The following HEXB variants were observed in gnomAD, a reference collection of about 807,000 sequenced individuals.
HEXB encodes the protein hexosaminidase subunit beta.
Under a neutral mutation model 71.2 loss-of-function variants are expected in HEXB, and 51 were observed. The ratio of observed to expected loss-of-function variants is 0.72; its 90% CI spans 0.57 to 0.90. The LOEUF (loss-of-function observed/expected upper bound fraction) is 0.90, where lower values mean the gene tolerates loss of function less well. Ranked by LOEUF, HEXB falls within the 40% of genes least tolerant of loss-of-function variation. HEXB has a pLI of 0.00. For synonymous variants in HEXB, 266 were observed against 249.3 expected, an observed-to-expected ratio of 1.07 and a Z score of -0.63; for missense variants, 617 against 677.0, an observed-to-expected ratio of 0.91 and a Z score of 0.98.
chr5:74,701,083 A>G (rs763072699), intron 5 of HEXB, among the ~76,000 whole-genome samples: 2 of 150,828 alleles, frequency 1.3e-5, no homozygotes, highest in Non-Finnish European at 3.0e-5. Flanking sequence ...GGGTTTTGCC[A>G]CATTTCCCAG....
At position 74,721,271 on chromosome 5, in the gene HEXB, A is replaced by ATATTT. The variant is rs1749860838; in HGVS notation, c.*98_*102dup. ...GATATTAGACTGTTTTTTGAATAAA[A>ATATTT]TATTTTTATTGATTGAACCTTTGAC... On this transcript the variant is annotated 3_prime_UTR_variant, in exon 14 of 14. Transcript: ENST00000261416. 3 of 1,027,828 alleles carry ATATTT rather than the reference A, an allele frequency of 2.9e-6. No homozygotes were observed. Among genetic ancestry groups the ATATTT allele is most frequent in the Non-Finnish European group, 4.6e-6 (3 of 658,606 alleles). The allele number at this position is 1,027,828 out of a possible 1,614,324, so 63.7% of individuals were successfully genotyped here.
chr5:74,678,483 T>C (rs1035123955), intron 1 of HEXB, among the ~76,000 whole-genome samples: 52 of 151,890 alleles, frequency 3.4e-4, no homozygotes, highest in African/African-American at 1.3e-3. Flanking sequence ...CAGTGAGGAA[T>C]AGCCTATTCA....
rs575584874 is a variant in HEXB, at chr5:74,673,461, C to T, written c.-376-15867C>T. Among the ~76,000 whole-genome samples the T allele has an allele frequency of 6.3e-4, 96 of 152,292 alleles. 1 individual carries two copies. In the South Asian group the frequency reaches 0.019, roughly 30 times the overall value. On this transcript the variant is annotated intron_variant, in intron 1 of 13. Coordinates refer to the HEXB transcript ENST00000511181. ...AGGCAGCTTTGCTTGCTTGTCTGCC[C>T]AGGTCCTAGGCTGTCCACCCACCTC...
intron 1 of HEXB, among the ~76,000 whole-genome samples, chr5:74,643,379 G>A (rs1270077605): frequency 6.6e-6 from 1 of 152,192 alleles, no homozygotes; most frequent in Non-Finnish European, 1.5e-5. Context: ...AAACAGGGCT[G>A]TCATCAAAAC....
chr5:74,654,375 A>T (rs1258696634), intron 1 of HEXB, among the ~76,000 whole-genome samples: 1 of 152,150 alleles, frequency 6.6e-6, no homozygotes, highest in Non-Finnish European at 1.5e-5. Flanking sequence ...AACACACTTG[A>T]GTCCAGAGGC....
At chr5:74,654,242 T>C (rs1032122023) in intron 1 of HEXB, among the ~76,000 whole-genome samples, 1 of 152,208 alleles carries the variant, frequency 6.6e-6, no homozygotes, top group African/African-American at 2.4e-5. Flanking sequence ...AACTTTAATG[T>C]GCACACGAAT....
chr5:74,684,179 C>T (rs1010611072), upstream of HEXB, among the ~76,000 whole-genome samples: 11 of 152,208 alleles, frequency 7.2e-5, no homozygotes, highest in Non-Finnish European at 2.9e-5. Context: ...TTTCAGAATA[C>T]TTATATAGCA....
chr5:74,689,933 T>C (rs182210344), intron 2 of HEXB: 2 of 190,370 alleles, frequency 1.1e-5, no homozygotes, highest in African/African-American at 2.4e-5. Flanking sequence ...TCATTTTCAA[T>C]GGCTGAATAA....
At chr5:74,642,782 C>T (rs1357126094) in intron 1 of HEXB, among the ~76,000 whole-genome samples, 1 of 152,130 alleles carries the variant, frequency 6.6e-6, no homozygotes, top group East Asian at 1.9e-4. Context: ...CAGCAAAGTT[C>T]AGATCCCTTT....
At chr5:74,699,086 G>A (rs1459216269) in intron 5 of HEXB, among the ~76,000 whole-genome samples, 6 of 152,072 alleles carry the variant, frequency 3.9e-5, no homozygotes, top group Non-Finnish European at 8.8e-5. Flanking sequence ...TTGGGAGGCT[G>A]AGACACAAAA....
intron 1 of HEXB, among the ~76,000 whole-genome samples, chr5:74,668,544 C>T (rs567333955): frequency 6.6e-6 from 1 of 152,310 alleles, no homozygotes; most frequent in Non-Finnish European, 1.5e-5. Context: ...TCATATTCCT[C>T]ATGTGTGAAA....
At chr5:74,672,570 C>G (rs1008925579) in intron 1 of HEXB, among the ~76,000 whole-genome samples, 1 of 152,224 alleles carries the variant, frequency 6.6e-6, no homozygotes, top group African/African-American at 2.4e-5. Context: ...CATTCTCTCT[C>G]ACGAAGACAA....
At chr5:74,705,366 G>A (rs1749362092) in intron 6 of HEXB, 46 bp downstream of exon 6, 4 of 998,838 alleles carry the variant, frequency 4.0e-6, no homozygotes, top group East Asian at 2.4e-5. Context: ...ATTGGGTATA[G>A]TTTCATTACA....
chr5:74,660,069 T>TAA (rs34660941), intron 1 of HEXB, among the ~76,000 whole-genome samples: 40 of 151,472 alleles, frequency 2.6e-4, no homozygotes, highest in African/African-American at 2.9e-4. Context: ...CTAATCTTTG[T>TAA]AAAAAAAATA....
intron 1 of HEXB, among the ~76,000 whole-genome samples, chr5:74,676,743 A>G (rs1580372604): frequency 6.6e-6 from 1 of 152,234 alleles, no homozygotes; most frequent in African/African-American, 2.4e-5. Context: ...TCCAGCCTTC[A>G]TGACAGATGA....
chr5:74,671,128 A>T (rs1464691459), intron 1 of HEXB, among the ~76,000 whole-genome samples: 1 of 151,838 alleles, frequency 6.6e-6, no homozygotes, highest in Non-Finnish European at 1.5e-5. Flanking sequence ...ACTGATGGTA[A>T]AAAAACAACT....
intron 1 of HEXB, among the ~76,000 whole-genome samples, chr5:74,669,108 C>T (rs1198989323): frequency 3.9e-5 from 6 of 152,058 alleles, no homozygotes; most frequent in Admixed American, 2.0e-4. Flanking sequence ...CACACCACCA[C>T]GCCCTATTAA....
chr5:74,669,924 C>A (rs1373807669), intron 1 of HEXB, among the ~76,000 whole-genome samples: 1 of 152,128 alleles, frequency 6.6e-6, no homozygotes, highest in Non-Finnish European at 1.5e-5. Context: ...AAGAACTTCC[C>A]ATGTGCAATA....
chr5:74,690,810 C>T (rs1748986387), intron 2 of HEXB, among the ~76,000 whole-genome samples: 1 of 151,214 alleles, frequency 6.6e-6, no homozygotes, highest in Non-Finnish European at 1.5e-5. Flanking sequence ...CTCAATAATA[C>T]ATCTCTTTGA....
Sources: allele counts gnomAD v4.1 joint callset (sites outside exome capture counted in the v4.1 genomes callset), GRCh38; gene constraint gnomAD v4.1.1; transcripts MANE v1.5; gene names NCBI Gene and HGNC (gene_info 2026-07-23, HGNC 2026-07-21).